PHACTR1: variants seen among roughly 807,000 people sequenced by gnomAD.
The protein encoded by PHACTR1 is phosphatase and actin regulator 1, also known as RPEL repeat containing 1.
PHACTR1 carries 16 observed loss-of-function variants against 69.2 expected under a neutral mutation model. The ratio of observed to expected loss-of-function variants is 0.23; its 90% CI spans 0.16 to 0.35. The LOEUF (loss-of-function observed/expected upper bound fraction) is 0.35. Ranked by LOEUF, PHACTR1 falls within the 10% of genes least tolerant of loss-of-function variation. PHACTR1 has a pLI of 1.00. For synonymous variants in PHACTR1, 312 were observed against 284.5 expected, an observed-to-expected ratio of 1.10 and a Z score of -0.97; for missense variants, 510 against 734.7, an observed-to-expected ratio of 0.69 and a Z score of 3.54.
chr6:13,274,426 G>C (rs548851670), intron 11 of PHACTR1: 2 of 152,192 alleles, frequency 1.3e-5, no homozygotes, highest in South Asian at 4.1e-4. Context: ...CTTCCTTTCG[G>C]CCCCAATCTG....
chr6:13,006,660 TACACAC>T (rs71819721), intron 4 of PHACTR1, among the ~76,000 whole-genome samples: 2 of 149,618 alleles, frequency 1.3e-5, no homozygotes, highest in Non-Finnish European at 3.0e-5. Context: ...TGATATATGA[TACACAC>T]ACACACACAC....
intron 5 of PHACTR1, among the ~76,000 whole-genome samples, chr6:13,089,079 C>A (rs913914658): frequency 1.3e-5 from 2 of 152,206 alleles, no homozygotes; most frequent in African/African-American, 2.4e-5. Flanking sequence ...TGCAATCAGA[C>A]AGGGACCTTC....
Position 12,749,657 on chromosome 6 carries a change from C to T in PHACTR1, c.117C>T (p.Thr39=), listed in dbSNP as rs770932584. The change falls in exon 4 of 15, where the codon ACC becomes ACT. Residue 39 remains threonine (T), a synonymous_variant. Transcript: ENST00000332995. ...TCTCCCTCTCAGCTCGCCGGGCGAC[C>T]CTGCTCCTGCCTCCCACATTAATGG... ...YSQGAQARRA[T]LLLPPTLMAA... is the part of the protein sequence containing the mutation. 1.8e-4 allele frequency: 298 copies of T among 1,611,030 alleles called. 1 individual carries two copies. In the Admixed American group the frequency reaches 4.9e-3, roughly 26 times the overall value.
chr6:13,107,598 T>C (rs1165172330), intron 5 of PHACTR1, among the ~76,000 whole-genome samples: 1 of 152,206 alleles, frequency 6.6e-6, no homozygotes, highest in Non-Finnish European at 1.5e-5. Flanking sequence ...TTTTGATAAT[T>C]TACGTCTTTC....
intron 4 of PHACTR1, among the ~76,000 whole-genome samples, chr6:12,808,027 A>C (rs1774556381): frequency 6.6e-6 from 1 of 152,226 alleles, no homozygotes; most frequent in South Asian, 2.1e-4. Context: ...TTTTCCACTT[A>C]GTCTACTGGA....
intron 4 of PHACTR1, among the ~76,000 whole-genome samples, chr6:12,937,855 C>T (rs1323875328): frequency 6.6e-6 from 1 of 152,184 alleles, no homozygotes; most frequent in African/African-American, 2.4e-5. Context: ...AATCCCAGCA[C>T]TTTGGGAGGC....
At chr6:12,943,798 T>C (rs1207889270) in intron 4 of PHACTR1, among the ~76,000 whole-genome samples, 1 of 152,252 alleles carries the variant, frequency 6.6e-6, no homozygotes, top group Admixed American at 6.5e-5. Context: ...ATAAAGGTTG[T>C]AAAACATTTA....
intron 5 of PHACTR1, among the ~76,000 whole-genome samples, chr6:13,147,147 A>G (rs891683680): frequency 1.1e-4 from 17 of 152,212 alleles, no homozygotes; most frequent in Admixed American, 1.1e-3. Flanking sequence ...TCTTAGTTTT[A>G]TCAAGTCATG....
intron 5 of PHACTR1, among the ~76,000 whole-genome samples, chr6:13,108,819 T>C (rs1319782463): frequency 3.3e-5 from 5 of 152,072 alleles, no homozygotes; most frequent in African/African-American, 1.2e-4. Flanking sequence ...ATCAGTATGG[T>C]TGGATCTCAT....
intron 5 of PHACTR1, among the ~76,000 whole-genome samples, chr6:13,064,834 A>T (rs184515408): frequency 4.5e-4 from 68 of 151,438 alleles, no homozygotes; most frequent in Admixed American, 9.2e-4. Flanking sequence ...CAAAAAGTCA[A>T]CTTGATTTTT....
At chr6:12,795,511 G>A (rs1017623692) in intron 4 of PHACTR1, among the ~76,000 whole-genome samples, 1 of 152,132 alleles carries the variant, frequency 6.6e-6, no homozygotes, top group African/African-American at 2.4e-5. Flanking sequence ...CCAATGAGTT[G>A]GGAACCACAG....
chr6:13,051,140 C>T (rs1369789406), intron 4 of PHACTR1, among the ~76,000 whole-genome samples: 1 of 152,124 alleles, frequency 6.6e-6, no homozygotes, highest in African/African-American at 2.4e-5. Flanking sequence ...CCAAAGTACT[C>T]TTGATCTATT....
At chr6:13,152,672 A>G (rs1264689720) in intron 5 of PHACTR1, among the ~76,000 whole-genome samples, 1 of 152,212 alleles carries the variant, frequency 6.6e-6, no homozygotes, top group African/African-American at 2.4e-5. Flanking sequence ...CCTTCTTTAC[A>G]AACTAGTGCA....
chr6:13,103,488 G>A (rs1815524313), intron 5 of PHACTR1, among the ~76,000 whole-genome samples: 1 of 152,162 alleles, frequency 6.6e-6, no homozygotes, highest in South Asian at 2.1e-4. Context: ...AAATTTTCAG[G>A]ACTACTATTA....
intron 13 of PHACTR1, among the ~76,000 whole-genome samples, chr6:13,284,449 G>A (rs918414220): frequency 2.1e-5 from 3 of 144,922 alleles, no homozygotes; most frequent in African/African-American, 7.8e-5. Context: ...CCCAGGAGGT[G>A]GAGGTTGCAG....
chr6:13,267,474 GAAT>G (rs1440611656), intron 10 of PHACTR1: 3 of 76,604 alleles, frequency 3.9e-5, no homozygotes, highest in Non-Finnish European at 9.5e-5. Flanking sequence ...TGTGGCTGCT[GAAT>G]GGTTTTTTTC....
intron 4 of PHACTR1, chr6:12,933,909 T>C: frequency 1.2e-6 from 2 of 1,610,924 alleles, no homozygotes; most frequent in East Asian, 4.5e-5. Flanking sequence ...ATTTACTCTT[T>C]GGTCCATATG....
chr6:13,174,274 G>A (rs948641348), intron 6 of PHACTR1, among the ~76,000 whole-genome samples: 29 of 152,186 alleles, frequency 1.9e-4, no homozygotes, highest in Admixed American at 3.3e-4. Flanking sequence ...AAATGCTTGC[G>A]TTAGCCTCCT....
Position 12,984,386 on chromosome 6 carries a change from C to T in PHACTR1, c.251-68979C>T, listed in dbSNP as rs367618537. On this transcript the variant is annotated intron_variant, in intron 4 of 14. Transcript: ENST00000332995. ...CATTGGAGGTAGTTAAGGAGGCAGG[C>T]GATGTGAGATAATTTAATCTTTCAA... 2.7e-4 allele frequency among the ~76,000 whole-genome samples: 41 copies of T among 152,158 alleles called. 1 individual carries two copies. The highest frequency in any genetic ancestry group is 8.7e-4 in the African/African-American group (36 of 41,492).
Sources: allele counts gnomAD v4.1 joint callset (sites outside exome capture counted in the v4.1 genomes callset), GRCh38; gene constraint gnomAD v4.1.1; transcripts MANE v1.5; gene names NCBI Gene and HGNC (gene_info 2026-07-23, HGNC 2026-07-21).